Variants in GALK2 observed in about 807,000 individuals in gnomAD.
The protein encoded by GALK2 is N-acetylgalactosamine kinase.
In GALK2, 36 loss-of-function variants were observed where a neutral mutation model predicts 52.4. That is an observed-to-expected ratio of 0.69 (90% CI 0.53 to 0.91). GALK2 has a LOEUF of 0.91. Ranked by LOEUF, GALK2 falls within the 40% of genes least tolerant of loss-of-function variation. The pLI, the probability that GALK2 is intolerant of heterozygous loss-of-function variation, is 0.00. For missense variants in GALK2, 579 were observed against 559.1 expected (o/e 1.04, Z -0.36); for synonymous variants, 176 against 199.1 (o/e 0.88, Z 0.98).
intron 1 of GALK2, among the ~76,000 whole-genome samples, chr15:49,160,568 T>C (rs1484139995): frequency 6.6e-6 from 1 of 151,990 alleles, no homozygotes; most frequent in Non-Finnish European, 1.5e-5. Context: ...CCCATCATAA[T>C]AGTAATAGTA....
intron 3 of GALK2, among the ~76,000 whole-genome samples, chr15:49,231,582 A>T (rs1261620943): frequency 6.6e-6 from 1 of 152,238 alleles, no homozygotes; most frequent in Non-Finnish European, 1.5e-5. Context: ...CTCATCTGAG[A>T]CAAGGCAAGT....
At chr15:49,256,996 G>A (rs1019484218) in intron 5 of GALK2, among the ~76,000 whole-genome samples, 1 of 152,010 alleles carries the variant, frequency 6.6e-6, no homozygotes, top group Non-Finnish European at 1.5e-5. Flanking sequence ...TTACAATTTG[G>A]TTTAATCCAG....
chr15:49,239,209 T>C lies in GALK2; in HGVS notation c.358-12T>C, dbSNP rs199837168. On this transcript the variant is annotated splice_polypyrimidine_tract_variant and intron_variant, in intron 4 of 9. Transcript: ENST00000560031. The stretch of plus-strand genomic sequence containing the variant: ...ACTGAATTACTGTTGCTGTTTTTCC[T>C]TATATTCTTAGGAACACTTTGGTCT... The C allele has an allele frequency of 8.6e-5, 138 of 1,612,516 alleles. 1 individual carries two copies. The African/African-American group carries it at 1.1e-3, about 13-fold the overall frequency.
chr15:49,192,835 G>A (rs1187098276), intron 1 of GALK2, among the ~76,000 whole-genome samples: 1 of 151,618 alleles, frequency 6.6e-6, no homozygotes. Context: ...TTTTCTTTTA[G>A]AGACAGGTCA....
At chr15:49,211,914 A>T (rs1166014153) in intron 2 of GALK2, among the ~76,000 whole-genome samples, 7 of 152,146 alleles carry the variant, frequency 4.6e-5, no homozygotes, top group Admixed American at 3.9e-4. Context: ...GGGTGGGGAC[A>T]CAGATCCAAG....
chr15:49,209,788 T>C (rs981920989), intron 2 of GALK2, among the ~76,000 whole-genome samples: 3 of 152,300 alleles, frequency 2.0e-5, no homozygotes, highest in African/African-American at 7.2e-5. Flanking sequence ...TATTGTCCTG[T>C]AGTTTTCTTT....
rs571510838 is a variant in GALK2 at position 49,329,828 on chromosome 15, C to T, written c.*1669C>T. On this transcript the variant is annotated 3_prime_UTR_variant, in exon 10 of 10. Coordinates refer to ENST00000560031, the MANE Select transcript of GALK2 (RefSeq NM_002044.4). ...GTGTAAAAAAAAAAAAAAAAAGGCA[C>T]CTGTCATTGTTTTGCTGTTCCATTT... 1 of 583,044 alleles carries T rather than the reference C, an allele frequency of 1.7e-6. No homozygotes were observed. Among genetic ancestry groups the T allele is most frequent in the Non-Finnish European group, 2.1e-6 (1 of 465,810 alleles). 36.1% of individuals were successfully genotyped at this position (583,044 alleles called of 1,614,324 possible).
chr15:49,169,349 C>G (rs1442898866), upstream of GALK2, among the ~76,000 whole-genome samples: 1 of 151,860 alleles, frequency 6.6e-6, no homozygotes, highest in Non-Finnish European at 1.5e-5. Flanking sequence ...GCAAAGTGCA[C>G]TAGATTGAGA....
intron 1 of GALK2, among the ~76,000 whole-genome samples, chr15:49,186,596 G>C (rs1379982611): frequency 6.9e-6 from 1 of 145,838 alleles, no homozygotes; most frequent in Admixed American, 6.9e-5. Context: ...CTGGAGTGCA[G>C]TGGTGCAATC....
At chr15:49,318,819 A>G (rs2036633836) in intron 8 of GALK2, among the ~76,000 whole-genome samples, 1 of 152,254 alleles carries the variant, frequency 6.6e-6, no homozygotes, top group Non-Finnish European at 1.5e-5. Flanking sequence ...GGCTTCCGCC[A>G]CATTCTGGAT....
At chr15:49,184,659 G>A (rs2086219634) in intron 1 of GALK2, among the ~76,000 whole-genome samples, 1 of 152,052 alleles carries the variant, frequency 6.6e-6, no homozygotes. Flanking sequence ...GTTACCATGA[G>A]GCTTGCAAAT....
At chr15:49,284,670 A>T (rs1225904650) in intron 7 of GALK2, among the ~76,000 whole-genome samples, 3 of 152,186 alleles carry the variant, frequency 2.0e-5, no homozygotes, top group African/African-American at 7.2e-5. Context: ...CAGTAGTAAT[A>T]ATTTCATACC....
At chr15:49,222,229 A>C (rs968460769) in intron 3 of GALK2, among the ~76,000 whole-genome samples, 1 of 151,054 alleles carries the variant, frequency 6.6e-6, no homozygotes, top group African/African-American at 2.5e-5. Context: ...AAATGCTGCA[A>C]ATTTTTGTAT....
chr15:49,304,543 C>T (rs1042486380), intron 8 of GALK2, among the ~76,000 whole-genome samples: 2 of 152,186 alleles, frequency 1.3e-5, no homozygotes, highest in Non-Finnish European at 2.9e-5. Context: ...GAGTGACTGG[C>T]ATCACCCCTA....
At chr15:49,159,890 A>G (rs1214295382) in intron 1 of GALK2, among the ~76,000 whole-genome samples, 1 of 152,188 alleles carries the variant, frequency 6.6e-6, no homozygotes. Context: ...GGATTCGGAT[A>G]TCATGACACA....
chr15:49,235,733 A>G, intron 3 of GALK2, 118 bp from the exon 4 acceptor site: 1 of 790,332 alleles, frequency 1.3e-6, no homozygotes, highest in Non-Finnish European at 2.3e-6. Flanking sequence ...CAGTTTGAAC[A>G]TAAAAGGTAA....
At chr15:49,326,285 G>T (rs1290475260) in intron 9 of GALK2, among the ~76,000 whole-genome samples, 2 of 137,672 alleles carry the variant, frequency 1.5e-5, no homozygotes, top group Admixed American at 7.6e-5. Flanking sequence ...TTTTGAGATG[G>T]AGTCTCACTG....
rs2033934016 is a variant in GALK2 at position 49,291,530 on chromosome 15, CA to C, written c.757-795del. Among the ~76,000 whole-genome samples, 4 of 152,148 alleles carry C rather than the reference CA, an allele frequency of 2.6e-5. No individual in the cohort carries two copies. In the South Asian group the frequency reaches 8.3e-4, roughly 32 times the overall value. Reference sequence around the variant, plus strand: ...ATGCCCCTCTGTCTTCACACCCAGGCAATGAATATTGTAGACCTCAGGATAA... The same window carrying C: ...ATGCCCCTCTGTCTTCACACCCAGGCATGAATATTGTAGACCTCAGGATAA... On this transcript the variant is annotated intron_variant, in intron 7 of 9. Transcript: ENST00000560031.
intron 3 of GALK2, among the ~76,000 whole-genome samples, chr15:49,351,595 T>C (rs2042250482): frequency 6.6e-6 from 1 of 152,208 alleles, no homozygotes; most frequent in African/African-American, 2.4e-5. Context: ...CGTCCCAAGT[T>C]GGGTTTTCCG....
Sources: allele counts gnomAD v4.1 joint callset (sites outside exome capture counted in the v4.1 genomes callset), GRCh38; gene constraint gnomAD v4.1.1; transcripts MANE v1.5; gene names NCBI Gene and HGNC (gene_info 2026-07-23, HGNC 2026-07-21).